CDH23: variants seen among roughly 807,000 people sequenced by gnomAD.
CDH23 encodes cadherin-23.
A neutral mutation model predicts 317.1 loss-of-function variants in CDH23; 189 were observed. That is an observed-to-expected ratio of 0.60 (90% CI 0.53 to 0.67). The LOEUF is 0.67. CDH23 is among the 30% of genes least tolerant of loss of function. The pLI is 0.00. For synonymous variants in CDH23, 1,839 were observed against 1,876.8 expected (o/e 0.98, Z 0.52); for missense variants, 4,401 against 4,592.4 (o/e 0.96, Z 1.20).
chr10:71,631,947 G>T (rs1862032018), intron 11 of CDH23, among the ~76,000 whole-genome samples: 1 of 152,222 alleles, frequency 6.6e-6, no homozygotes, highest in South Asian at 2.1e-4. Context: ...AAACTTATAG[G>T]AACAGAGAAC....
At chr10:71,666,903 A>G (rs1489957023) in intron 14 of CDH23, among the ~76,000 whole-genome samples, 1 of 152,238 alleles carries the variant, frequency 6.6e-6, no homozygotes, top group African/African-American at 2.4e-5. Flanking sequence ...TGAGGAAAGC[A>G]TTACCAGCGA....
intron 6 of CDH23, among the ~76,000 whole-genome samples, chr10:71,538,930 CAT>C (rs1855846875): frequency 6.6e-6 from 1 of 152,216 alleles, no homozygotes; most frequent in Non-Finnish European, 1.5e-5. Context: ...AATCAGGAGA[CAT>C]GTGTAGGGAC....
At chr10:71,485,122 G>A (rs979715878) in intron 3 of CDH23, among the ~76,000 whole-genome samples, 5 of 150,378 alleles carry the variant, frequency 3.3e-5, no homozygotes, top group African/African-American at 9.8e-5. Context: ...CGCCTCCCAG[G>A]TTCAAGTGAT....
At chr10:71,590,469 G>A (rs1030325055) in intron 9 of CDH23, among the ~76,000 whole-genome samples, 4 of 152,004 alleles carry the variant, frequency 2.6e-5, no homozygotes, top group South Asian at 2.1e-4. Context: ...GGATCTCCCC[G>A]CCCTCACTTG....
chr10:71,786,615 A>G (rs1432617450), intron 44 of CDH23, among the ~76,000 whole-genome samples: 2 of 149,276 alleles, frequency 1.3e-5, no homozygotes, highest in Non-Finnish European at 1.5e-5. Context: ...CTTGTGCCTC[A>G]GTCTCCCGAG....
intron 18 of CDH23, among the ~76,000 whole-genome samples, chr10:71,686,979 A>G (rs1442646014): frequency 6.6e-6 from 1 of 152,226 alleles, no homozygotes; most frequent in Non-Finnish European, 1.5e-5. Flanking sequence ...TCAGCCCCTC[A>G]GCCAAGCACC....
chr10:71,645,811 C>T lies in CDH23; in HGVS notation c.1141-20C>T, dbSNP rs750369111. Reference sequence around the variant, plus strand: ...CCACTGTGCCCTTCCTGACTGGCTTCTTCTGCACTCTTGACCCAGGGCCTG... The same window carrying T: ...CCACTGTGCCCTTCCTGACTGGCTTTTTCTGCACTCTTGACCCAGGGCCTG... On this transcript the variant is annotated intron_variant, in intron 12 of 69. Transcript: ENST00000224721. The T allele has an allele frequency of 5.0e-6, 8 of 1,605,488 alleles. No homozygotes were observed. In the African/African-American group the frequency reaches 6.7e-5, roughly 13 times the overall value.
At chr10:71,811,639 G>T (rs531335713) in intron 64 of CDH23, 49 bp downstream of exon 64, 3 of 1,613,800 alleles carry the variant, frequency 1.9e-6, no homozygotes, top group Middle Eastern at 1.6e-4. Context: ...CCTGCTCCCG[G>T]ATGGCCACGA....
At chr10:71,404,256 T>G (rs1387434461) in intron 1 of CDH23, among the ~76,000 whole-genome samples, 3 of 152,206 alleles carry the variant, frequency 2.0e-5, no homozygotes, top group African/African-American at 7.2e-5. Context: ...GGCTCTCTTA[T>G]GCCCCCTCCC....
At chr10:71,509,708 G>T (rs905084639) in intron 3 of CDH23, among the ~76,000 whole-genome samples, 2 of 152,302 alleles carry the variant, frequency 1.3e-5, no homozygotes, top group South Asian at 4.1e-4. Flanking sequence ...TGACTTATAT[G>T]CTCATCTTGG....
Position 71,808,823 on chromosome 10 carries a change from G to A in CDH23, c.8722+816G>A, listed in dbSNP as rs145908109. 1.2e-3 allele frequency among the ~76,000 whole-genome samples: 179 copies of A among 152,104 alleles called. 1 individual carries two copies. The highest frequency in any genetic ancestry group is 3.9e-3 in the African/African-American group (162 of 41,490). ...TAGCTAAGCTGCTTAGCATCCCCACGGCCTGCTCTCTCCCATTCTCCCCTG... is the reference window on the plus strand; with the variant it reads ...TAGCTAAGCTGCTTAGCATCCCCACAGCCTGCTCTCTCCCATTCTCCCCTG... On this transcript the variant is annotated intron_variant, in intron 60 of 69. Coordinates refer to ENST00000224721, the MANE Select transcript of CDH23 (RefSeq NM_022124.6).
rs557868703 is a variant in CDH23 at position 71,463,496 on chromosome 10, C to T, written c.145+17101C>T. ...CCCGCATCCCCTGCCATTCTTCCTG[C>T]TCCAGAAGGCACCTTTCTCAGGAGC... On this transcript the variant is annotated intron_variant, in intron 3 of 69. Transcript: ENST00000224721. Among the ~76,000 whole-genome samples, 285 of 152,366 alleles carry T rather than the reference C, an allele frequency of 1.9e-3. 3 individuals carry two copies. The South Asian group carries it at 0.028, about 15-fold the overall frequency.
chr10:71,745,555 G>C (rs1839836231), intron 38 of CDH23, among the ~76,000 whole-genome samples: 1 of 152,160 alleles, frequency 6.6e-6, no homozygotes, highest in Non-Finnish European at 1.5e-5. Context: ...GGTGGGGATG[G>C]GGCAGAGCTA....
intron 6 of CDH23, among the ~76,000 whole-genome samples, chr10:71,551,575 G>T (rs1484958858): frequency 2.6e-5 from 4 of 152,184 alleles, no homozygotes; most frequent in African/African-American, 9.6e-5. Context: ...TCTTGGTCAA[G>T]CCTGATCTTA....
At chr10:71,460,925 G>A (rs927724651) in intron 3 of CDH23, among the ~76,000 whole-genome samples, 1 of 152,206 alleles carries the variant, frequency 6.6e-6, no homozygotes, top group Admixed American at 6.5e-5. Context: ...CTGTCTCCCC[G>A]ACGAGTAGCC....
chr10:71,777,956 C>T (rs1485836527), intron 39 of CDH23, 55 bp downstream of exon 39: 45 of 1,583,330 alleles, frequency 2.8e-5, no homozygotes, highest in Non-Finnish European at 3.8e-5. Flanking sequence ...CAGGGATTGG[C>T]AAGGAGTTCA....
At chr10:71,551,305 C>T (rs1440576807) in intron 6 of CDH23, among the ~76,000 whole-genome samples, 1 of 152,190 alleles carries the variant, frequency 6.6e-6, no homozygotes, top group Non-Finnish European at 1.5e-5. Context: ...GCAATTCCTA[C>T]CGCTGGTCTC....
chr10:71,715,990 C>T lies in CDH23; in HGVS notation c.3369+3177C>T, dbSNP rs754712347. The T allele has an allele frequency of 1.1e-5, 16 of 1,495,412 alleles. No homozygotes were observed. The Admixed American group carries it at 1.5e-4, about 14-fold the overall frequency. 92.6% of individuals were successfully genotyped at this position (1,495,412 alleles called of 1,614,324 possible). ...AGTGGCTGCGGTTGTCCTCGGGGCC[C>T]GGCAGGGGCTGTCGAGGGACGGTGG... On this transcript the variant is annotated intron_variant, in intron 28 of 69. Transcript: ENST00000224721.
intron 9 of CDH23, among the ~76,000 whole-genome samples, chr10:71,606,786 A>C (rs1035508114): frequency 1.2e-4 from 18 of 152,144 alleles, no homozygotes; most frequent in Non-Finnish European, 2.2e-4. Flanking sequence ...GAATCTGAGG[A>C]GTGACATTTG....
Sources: gnomAD v4.1 joint callset for allele counts (sites outside exome capture counted in the v4.1 genomes callset) on GRCh38, gnomAD v4.1.1 for gene constraint, MANE v1.5 for transcripts, NCBI Gene and HGNC (gene_info 2026-07-23, HGNC 2026-07-21) for gene names.